The following NXN variants were observed in gnomAD, a reference collection of about 807,000 sequenced individuals.
The protein encoded by NXN is nucleoredoxin 1.
Under a neutral mutation model 48.6 loss-of-function variants are expected in NXN, and 16 were observed. The ratio of observed to expected loss-of-function variants is 0.33; its 90% CI spans 0.22 to 0.50. The LOEUF (loss-of-function observed/expected upper bound fraction) is 0.50, where lower values mean the gene tolerates loss of function less well. Among genes scored for constraint, NXN ranks in the 20% least tolerant of loss-of-function variants. The pLI is 0.98. For missense variants in NXN, 492 were observed against 605.5 expected (o/e 0.81, Z 1.97); for synonymous variants, 281 against 269.6 (o/e 1.04, Z -0.41).
At chr17:838,463 T>C (rs1300414882) in intron 1 of NXN, among the ~76,000 whole-genome samples, 1 of 152,136 alleles carries the variant, frequency 6.6e-6, no homozygotes, top group East Asian at 1.9e-4. Context: ...AATTTACAGA[T>C]GACCTAGCTG....
intron 1 of NXN, among the ~76,000 whole-genome samples, chr17:923,482 C>T (rs1160296585): frequency 1.3e-5 from 2 of 152,180 alleles, no homozygotes; most frequent in Admixed American, 6.6e-5. Flanking sequence ...CACACCACTG[C>T]ACTCCAGCCT....
chr17:972,174 C>T (rs901709798), intron 1 of NXN, among the ~76,000 whole-genome samples: 2 of 152,116 alleles, frequency 1.3e-5, no homozygotes, highest in Non-Finnish European at 1.5e-5. Flanking sequence ...GTGGCACATG[C>T]GCCTATAATC....
intron 1 of NXN, among the ~76,000 whole-genome samples, chr17:936,365 CG>C (rs374085610): frequency 2.2e-3 from 342 of 152,152 alleles, no homozygotes; most frequent in African/African-American, 7.6e-3. Flanking sequence ...ACTGCAGCGA[CG>C]GGTGCCCTGG....
intron 5 of NXN, among the ~76,000 whole-genome samples, chr17:818,624 G>C (rs907700016): frequency 6.6e-6 from 1 of 152,134 alleles, no homozygotes; most frequent in African/African-American, 2.4e-5. Flanking sequence ...AGTGGCTCAC[G>C]CCTGTCATCC....
At chr17:906,734 CTT>C (rs35778901) in intron 1 of NXN, among the ~76,000 whole-genome samples, 15 of 143,566 alleles carry the variant, frequency 1.0e-4, no homozygotes, top group Admixed American at 1.4e-4. Context: ...ACCCGGACAA[CTT>C]TTTTTTTTTT....
At chr17:812,789 T>C (rs1912187916) in intron 5 of NXN, among the ~76,000 whole-genome samples, 1 of 148,700 alleles carries the variant, frequency 6.7e-6, no homozygotes, top group South Asian at 2.1e-4. Flanking sequence ...TGCATGTGTG[T>C]AGGTGTGTGT....
chr17:803,212 G>A (rs1033580516), intron 7 of NXN, among the ~76,000 whole-genome samples: 1 of 152,178 alleles, frequency 6.6e-6, no homozygotes, highest in Non-Finnish European at 1.5e-5. Flanking sequence ...GACGGGGAGC[G>A]GCAGCAATTT....
At chr17:826,102 G>T in intron 1 of NXN, 24 bp from the exon 2 acceptor site, 1 of 1,516,598 alleles carries the variant, frequency 6.6e-7, no homozygotes, top group Non-Finnish European at 9.2e-7. Context: ...AGCAAAAGAA[G>T]GTGGTTAAGT....
At chr17:886,217 A>G (rs2068345747) in intron 1 of NXN, among the ~76,000 whole-genome samples, 1 of 152,100 alleles carries the variant, frequency 6.6e-6, no homozygotes, top group Admixed American at 6.6e-5. Flanking sequence ...GATTTCAGTC[A>G]GGAAAACTAC....
In NXN at chr17:937,127, C is replaced by T. The variant is rs530875011; in HGVS notation, c.360+42192G>A. ...TGTCCTGAGTGGCTGGGATTACAGG[C>T]ACCCAGCACCACGCCCGGCTGATTT... On this transcript the variant is annotated intron_variant, in intron 1 of 7. Transcript: ENST00000336868. Among the ~76,000 whole-genome samples, 108 of 152,166 alleles carry T rather than the reference C, an allele frequency of 7.1e-4. 1 individual carries two copies. The highest frequency in any genetic ancestry group is 2.4e-3 in the African/African-American group (100 of 41,530).
In NXN at chr17:825,760, C is replaced by G; in HGVS notation, c.478+201G>C. On this transcript the variant is annotated intron_variant, in intron 2 of 7. Transcript: ENST00000336868. This position sits in a 1 kb window ranked among gnomAD's most constrained non-coding sequence, Gnocchi z 4.1. ...CATGAATTAAAGCCCCTAGGAGGGA[C>G]ATTCTGATCCCTGTGAAAATCTTAA... The G allele has an allele frequency of 1.8e-6, 1 of 545,206 alleles. No individual in the cohort carries two copies. The allele number at this position is 545,206 out of a possible 1,614,324, so 33.8% of individuals were successfully genotyped here.
At chr17:934,332 G>C (rs978633144) in intron 1 of NXN, among the ~76,000 whole-genome samples, 1 of 152,090 alleles carries the variant, frequency 6.6e-6, no homozygotes, top group African/African-American at 2.4e-5. Context: ...TGTAGTCCCA[G>C]CTACTGGGGA....
At chr17:853,723 A>ATATATATATTTTTTT (rs1491528474) in intron 1 of NXN, among the ~76,000 whole-genome samples, 6 of 105,974 alleles carry the variant, frequency 5.7e-5, no homozygotes, top group African/African-American at 2.6e-4. Context: ...ATATATATAT[A>ATATATATATTTTTTT]TTTTTTTTTT....
intron 1 of NXN, among the ~76,000 whole-genome samples, chr17:895,675 A>G (rs143065467): frequency 0.11 from 17,079 of 149,314 alleles, 1,156 homozygotes; most frequent in South Asian, 0.32. Flanking sequence ...AAAATTAGCC[A>G]GGCGTGGTGG....
In NXN at chr17:958,396, C is replaced by T. The variant is rs1305021802; in HGVS notation, c.360+20923G>A. On this transcript the variant is annotated intron_variant, in intron 1 of 7. Transcript: ENST00000336868. The surrounding 1 kb of genome is among the most constrained non-coding windows in gnomAD (Gnocchi z 6.9). Reference sequence around the variant, plus strand: ...GCGCGGTGGCTCGCACCTGTCATCCCAGTGCCTGGGAAGGCTGAAACAGGA... The same window carrying T: ...GCGCGGTGGCTCGCACCTGTCATCCTAGTGCCTGGGAAGGCTGAAACAGGA... 2.6e-5 allele frequency among the ~76,000 whole-genome samples: 4 copies of T among 152,192 alleles called. No individual in the cohort carries two copies. The highest frequency in any genetic ancestry group is 5.9e-5 in the Non-Finnish European group (4 of 68,030).
At chr17:959,668 C>T (rs1044007967) in intron 1 of NXN, among the ~76,000 whole-genome samples, 17 of 151,538 alleles carry the variant, frequency 1.1e-4, no homozygotes, top group African/African-American at 4.1e-4. Flanking sequence ...GTGGCAGGCG[C>T]CTGTGATCCC....
At chr17:824,507 G>A (rs1309628176) in intron 2 of NXN, among the ~76,000 whole-genome samples, 1 of 152,156 alleles carries the variant, frequency 6.6e-6, no homozygotes, top group African/African-American at 2.4e-5. Context: ...GAATCAACCC[G>A]ATACCCGGGA....
intron 1 of NXN, among the ~76,000 whole-genome samples, chr17:865,992 G>C (rs2068092099): frequency 6.6e-6 from 1 of 151,050 alleles, no homozygotes; most frequent in Non-Finnish European, 1.5e-5. Context: ...CAAAAAAAAA[G>C]AAAAAAAAGT....
At chr17:899,390 TGA>T (rs748312479) in intron 1 of NXN, among the ~76,000 whole-genome samples, 17 of 152,302 alleles carry the variant, frequency 1.1e-4, no homozygotes, top group Non-Finnish European at 2.2e-4. Context: ...AATAAGACCC[TGA>T]GAGAGACACC....
Sources: gnomAD v4.1 joint callset for allele counts (sites outside exome capture counted in the v4.1 genomes callset) on GRCh38, gnomAD v4.1.1 for gene constraint, Gnocchi (gnomAD v3.1) non-coding constraint, MANE v1.5 for transcripts, NCBI Gene and HGNC (gene_info 2026-07-23, HGNC 2026-07-21) for gene names.